PRELID2: variants seen among roughly 807,000 people sequenced by gnomAD.
The protein encoded by PRELID2 is PRELI domain-containing protein 2.
In PRELID2, 25 loss-of-function variants were observed where a neutral mutation model predicts 28.4. The ratio of observed to expected loss-of-function variants is 0.88; its 90% CI spans 0.64 to 1.23. The LOEUF is 1.23. PRELID2 is among the 50% of genes most tolerant of loss of function. The pLI is 0.00. For synonymous variants in PRELID2, 76 were observed against 71.6 expected (o/e 1.06, Z -0.31); for missense variants, 201 against 214.4 (o/e 0.94, Z 0.39).
intron 5 of PRELID2, among the ~76,000 whole-genome samples, chr5:145,783,175 C>A (rs372406694): frequency 2.0e-5 from 3 of 152,290 alleles, no homozygotes; most frequent in Admixed American, 2.0e-4. Flanking sequence ...TAGAAGGCAA[C>A]GTCCCAGAAT....
At chr5:145,348,032 A>T in the PRELID2 span, among the ~76,000 whole-genome samples, 1 of 152,158 alleles carries the variant, frequency 6.6e-6, no homozygotes, top group South Asian at 2.1e-4. Flanking sequence ...AACATCTTCT[A>T]AAGAACAAGG....
chr5:145,830,876 T>C (rs1274126913), intron 1 of PRELID2, among the ~76,000 whole-genome samples: 1 of 152,188 alleles, frequency 6.6e-6, no homozygotes, highest in African/African-American at 2.4e-5. Context: ...AACCGTAGTA[T>C]ATTATAACTT....
the PRELID2 span, among the ~76,000 whole-genome samples, chr5:145,391,688 T>TG: frequency 2.0e-5 from 3 of 152,094 alleles, no homozygotes; most frequent in African/African-American, 7.2e-5. Context: ...TGTTTTGTTT[T>TG]TTTTTTTTTT....
At chr5:145,638,142 T>C (rs941239637) in intron 1 of PRELID2, among the ~76,000 whole-genome samples, 2 of 152,138 alleles carry the variant, frequency 1.3e-5, no homozygotes, top group African/African-American at 4.8e-5. Context: ...CAACTGTCAG[T>C]TTCCTCATTG....
chr5:145,703,539 G>C (rs1755465002), intron 1 of PRELID2, among the ~76,000 whole-genome samples: 1 of 152,192 alleles, frequency 6.6e-6, no homozygotes. Context: ...ACAGCACATA[G>C]CCAGGTCTTG....
chr5:145,733,846 A>G (rs923307378), intron 1 of PRELID2, among the ~76,000 whole-genome samples: 1 of 152,168 alleles, frequency 6.6e-6, no homozygotes, highest in Non-Finnish European at 1.5e-5. Context: ...ACATGGCAGA[A>G]GGGACTTCGC....
At chr5:145,447,562 C>A in the PRELID2 span, among the ~76,000 whole-genome samples, 2 of 134,492 alleles carry the variant, frequency 1.5e-5, no homozygotes, top group Admixed American at 7.7e-5. Flanking sequence ...TGCTGGTGCG[C>A]TGCACCCACT....
At chr5:145,452,156 C>T in the PRELID2 span, among the ~76,000 whole-genome samples, 1 of 152,296 alleles carries the variant, frequency 6.6e-6, no homozygotes, top group East Asian at 1.9e-4. Flanking sequence ...CCCCTTTAAT[C>T]CATTTTTCTT....
the PRELID2 span, among the ~76,000 whole-genome samples, chr5:145,451,444 T>C: frequency 2.6e-5 from 4 of 152,204 alleles, no homozygotes; most frequent in Non-Finnish European, 4.4e-5. Context: ...CCAGAACACA[T>C]GCCTAGATAT....
intron 1 of PRELID2, among the ~76,000 whole-genome samples, chr5:145,495,520 AG>A (rs1752302935): frequency 6.6e-6 from 1 of 152,172 alleles, no homozygotes; most frequent in African/African-American, 2.4e-5. Context: ...GCTTCCCTCA[AG>A]GAAACAATTC....
intron 1 of PRELID2, among the ~76,000 whole-genome samples, chr5:145,574,102 C>T (rs561979927): frequency 6.6e-6 from 1 of 152,158 alleles, no homozygotes; most frequent in East Asian, 1.9e-4. Flanking sequence ...ATCACAGGAT[C>T]CTAAACAGTG....
At chr5:145,741,014 A>G (rs1288405272) in intron 1 of PRELID2, among the ~76,000 whole-genome samples, 2 of 117,180 alleles carry the variant, frequency 1.7e-5, no homozygotes, top group Admixed American at 2.1e-4. Context: ...ATATTTGTAT[A>G]CAAATAAAAT....
intron 1 of PRELID2, among the ~76,000 whole-genome samples, chr5:145,651,047 T>A (rs1202411344): frequency 1.3e-5 from 2 of 152,096 alleles, no homozygotes; most frequent in African/African-American, 4.8e-5. Context: ...GAAAATCGGG[T>A]CACTCTCACC....
the PRELID2 span, among the ~76,000 whole-genome samples, chr5:145,414,582 T>C: frequency 0.045 from 6,881 of 152,306 alleles, 276 homozygotes; most frequent in South Asian, 0.18. Context: ...TTTAAGTAAC[T>C]AGAAGAGTGG....
the PRELID2 span, among the ~76,000 whole-genome samples, chr5:145,418,527 A>T: frequency 6.6e-6 from 1 of 151,970 alleles, no homozygotes. Flanking sequence ...ATGGTATAAG[A>T]ACAGTGGTAT....
chr5:145,773,115 ATT>A (rs907103373), intron 5 of PRELID2, among the ~76,000 whole-genome samples: 1 of 152,216 alleles, frequency 6.6e-6, no homozygotes, highest in African/African-American at 2.4e-5. Flanking sequence ...AGAATATTTA[ATT>A]TTCACAATTT....
At chr5:145,361,587 C>T in the PRELID2 span, among the ~76,000 whole-genome samples, 1 of 152,090 alleles carries the variant, frequency 6.6e-6, no homozygotes, top group Admixed American at 6.6e-5. Flanking sequence ...GTTCTTTGAC[C>T]AAATCTGCAC....
the PRELID2 span, among the ~76,000 whole-genome samples, chr5:145,355,617 C>T: frequency 6.6e-6 from 1 of 152,110 alleles, no homozygotes; most frequent in Non-Finnish European, 1.5e-5. Context: ...ACAGGACCTA[C>T]CAAACATCCT....
the PRELID2 span, chr5:145,337,919 A>G: frequency 6.6e-6 from 1 of 151,654 alleles, no homozygotes; most frequent in African/African-American, 2.4e-5. Context: ...TATAGTATAC[A>G]CAAATCAAAA....
Sources: allele counts gnomAD v4.1 joint callset (sites outside exome capture counted in the v4.1 genomes callset), GRCh38; gene constraint gnomAD v4.1.1; transcripts MANE v1.5; gene names NCBI Gene and HGNC (gene_info 2026-07-23, HGNC 2026-07-21).